Variants in TOR1AIP1 observed in about 807,000 individuals in gnomAD.
TOR1AIP1 encodes the protein torsin-1A-interacting protein 1.
Under a neutral mutation model 63.3 loss-of-function variants are expected in TOR1AIP1, and 54 were observed. The ratio of observed to expected loss-of-function variants is 0.85; its 90% CI spans 0.69 to 1.07. The LOEUF (loss-of-function observed/expected upper bound fraction) is 1.07, where lower values mean the gene tolerates loss of function less well. TOR1AIP1 is among the 50% of genes least tolerant of loss of function. The probability of loss-of-function intolerance (pLI) is 0.00; values close to 1 mark genes in which losing one functional copy is unlikely to be tolerated. For synonymous variants in TOR1AIP1, 294 were observed against 273.5 expected, an observed-to-expected ratio of 1.07 and a Z score of -0.74; for missense variants, 736 against 715.0, an observed-to-expected ratio of 1.03 and a Z score of -0.33.
At position 179,918,509 on chromosome 1, in the gene TOR1AIP1, G is replaced by C. The variant is rs1390317382; in HGVS notation, c.*270G>C. The C allele has an allele frequency of 2.9e-6, 1 of 345,052 alleles. No homozygotes were observed. Among genetic ancestry groups the C allele is most frequent in the Admixed American group, 4.5e-5 (1 of 22,354 alleles). 21.4% of individuals were successfully genotyped at this position (345,052 alleles called of 1,614,324 possible). On this transcript the variant is annotated 3_prime_UTR_variant, in exon 10 of 10. Transcript: ENST00000606911. ...CCTTAGAGAATCTGTTTTGATTCTG[G>C]GCTGAGTTATTACAGTTATGGTATG...
chr1:179,882,549 G>A lies in TOR1AIP1; in HGVS notation c.47G>A (p.Gly16Asp). The A allele has an allele frequency of 2.7e-6, 4 of 1,499,716 alleles. No individual in the cohort carries two copies. Among genetic ancestry groups the A allele is most frequent in the Non-Finnish European group, 3.5e-6 (4 of 1,128,146 alleles). 92.9% of individuals were successfully genotyped at this position (1,499,716 alleles called of 1,614,324 possible). Residue 16 changes from glycine to aspartate, a missense_variant, in exon 1 of 10, where the codon GGT (glycine) becomes GAT (aspartate). Transcript: ENST00000606911. ...RRAEAVREGWGVYVTPRAPIR... is the reference protein window; with the variant it reads ...RRAEAVREGWDVYVTPRAPIR... The stretch of plus-strand genomic sequence containing the variant: ...GCAGAGGCGGTGCGGGAAGGATGGG[G>A]TGTGTACGTCACCCCCAGGGCCCCC...
intron 3 of TOR1AIP1, among the ~76,000 whole-genome samples, chr1:179,895,689 C>T (rs1307055921): frequency 6.6e-6 from 1 of 152,162 alleles, no homozygotes; most frequent in African/African-American, 2.4e-5. Context: ...CACCTGAGAT[C>T]AGGAGTTCAA....
chr1:179,900,592 A>G (rs1648427238), intron 4 of TOR1AIP1: 1 of 152,458 alleles, frequency 6.6e-6, no homozygotes, highest in Admixed American at 6.5e-5. Flanking sequence ...AAAAGAAGTT[A>G]GAACAGAAAA....
rs146592819 is a variant in TOR1AIP1, at chr1:179,882,718, C to G, written c.216C>G (p.Pro72=). 6.2e-7 allele frequency: 1 copy of G among 1,613,696 alleles called. No homozygotes were observed. The change falls in exon 1 of 10, where the codon CCC becomes CCG. Residue 72 remains proline (P), a synonymous_variant. Transcript: ENST00000606911. ...EPPEVYGDFE[P]LVAKERSPVG... is the part of the protein sequence containing the mutation. ...CAGAAGTGTACGGCGACTTCGAGCC[C>G]CTGGTGGCCAAAGAAAGGTCCCCGG...
In TOR1AIP1 at chr1:179,882,849, C is replaced by T. The variant is rs533632977; in HGVS notation, c.347C>T (p.Pro116Leu). 6.8e-6 allele frequency: 11 copies of T among 1,614,198 alleles called. No homozygotes were observed. In the South Asian group the frequency reaches 1.1e-4, roughly 16 times the overall value. The change falls in exon 1 of 10, where the codon CCC becomes CTC. Residue 116 changes from proline to leucine, a missense_variant. Pro to Leu is a moderately conservative substitution (Grantham distance 98). Transcript: ENST00000606911. Reference protein sequence around the residue: ...LRSRQRRQPRPQETEEMKTRR... With the variant: ...LRSRQRRQPRLQETEEMKTRR... Reference sequence around the variant, plus strand: ...TCTAGGCAGCGGAGGCAGCCGCGACCCCAGGAAACCGAGGAAATGAAGACG... The same window carrying T: ...TCTAGGCAGCGGAGGCAGCCGCGACTCCAGGAAACCGAGGAAATGAAGACG...
In TOR1AIP1 at chr1:179,882,649, G is replaced by A. The variant is rs369159739; in HGVS notation, c.147G>A (p.Pro49=). 9 of 1,576,262 alleles carry A rather than the reference G, an allele frequency of 5.7e-6. No individual in the cohort carries two copies. The highest frequency in any genetic ancestry group is 7.7e-6 in the Non-Finnish European group (9 of 1,161,524). The change falls in exon 1 of 10, where the codon CCG becomes CCA. Residue 49 remains proline (P), a synonymous_variant. Transcript: ENST00000606911. The stretch of plus-strand genomic sequence containing the variant: ...ATGCGCCTGCGTACAGAACTCCTCC[G>A]TCGCGCCAGGGCCGGCGGGAAGTGA... ...SSDAPAYRTP[P]SRQGRREVRF...
intron 1 of TOR1AIP1, 120 bp downstream of exon 1, chr1:179,883,097 T>C: frequency 1.1e-6 from 1 of 914,950 alleles, no homozygotes; most frequent in Non-Finnish European, 1.7e-6. Context: ...CTAAAGGGTA[T>C]TCCTCAGCCC....
At chr1:179,900,243 T>C in intron 4 of TOR1AIP1, 76 bp downstream of exon 4, 1 of 1,070,652 alleles carries the variant, frequency 9.3e-7, no homozygotes, top group Non-Finnish European at 1.4e-6. Flanking sequence ...CTGATAGATA[T>C]TTAAGAAGTG....
chr1:179,917,524 C>A lies in TOR1AIP1; in HGVS notation c.1037C>A (p.Ala346Asp), dbSNP rs774213967. ...TGGTGGCTACTTCCTCTGATAGCTG[C>A]TCTTGCCTCTGGGAGTTTTTGGTTC... Reference protein sequence around the residue: ...NRWWLLPLIAALASGSFWFFS... With the variant: ...NRWWLLPLIADLASGSFWFFS... The change falls in exon 10 of 10, where the codon GCT becomes GAT. Residue 346 changes from alanine (A) to aspartate (D), a missense_variant. By Grantham distance (126) the Ala-to-Asp change is moderately radical. Around this residue, in one of 2 missense-constraint regions of TOR1AIP1, gnomAD observed 272 missense variants for 344.1 expected, o/e 0.79. Coordinates refer to ENST00000606911, the MANE Select transcript of TOR1AIP1 (RefSeq NM_015602.4). The A allele has an allele frequency of 6.2e-7, 1 of 1,614,060 alleles. No homozygotes were observed. Among genetic ancestry groups the A allele is most frequent in the Admixed American group, 1.7e-5 (1 of 60,020 alleles).
rs200170638 is a variant in TOR1AIP1 at position 179,906,039 on chromosome 1, C to CT, written c.797-1781dup. ...AGTTGATCAAGATATATTTCATTGACTTTAAGATACTATTGATTTTATGTA... is the reference window on the plus strand; with the variant it reads ...AGTTGATCAAGATATATTTCATTGACTTTTAAGATACTATTGATTTTATGTA... On this transcript the variant is annotated intron_variant, in intron 6 of 9. Coordinates refer to ENST00000606911, the MANE Select transcript of TOR1AIP1 (RefSeq NM_015602.4). Among the ~76,000 whole-genome samples the CT allele has an allele frequency of 5.3e-3, 806 of 152,208 alleles. 11 individuals carry two copies. Among genetic ancestry groups the CT allele is most frequent in the Admixed American group, 0.015 (226 of 15,284 alleles).
chr1:179,907,591 C>T (rs1312735927), intron 6 of TOR1AIP1, among the ~76,000 whole-genome samples: 1 of 133,724 alleles, frequency 7.5e-6, no homozygotes, highest in African/African-American at 2.8e-5. Context: ...TACACACACA[C>T]TTTATATATA....
At chr1:179,909,797 C>G (rs7551493) in intron 8 of TOR1AIP1, among the ~76,000 whole-genome samples, 4,979 of 152,078 alleles carry the variant, frequency 0.033, 129 homozygotes, top group Admixed American at 0.049. Flanking sequence ...AAGTCTCCCT[C>G]TGTCGCCCAG....
intron 3 of TOR1AIP1, among the ~76,000 whole-genome samples, chr1:179,898,598 G>A (rs1648355053): frequency 6.6e-6 from 1 of 152,114 alleles, no homozygotes; most frequent in Admixed American, 6.6e-5. Context: ...TGGAGCTCAT[G>A]CCTGTATTAC....
At chr1:179,914,170 T>G in intron 9 of TOR1AIP1, 116 bp downstream of exon 9, 1 of 916,364 alleles carries the variant, frequency 1.1e-6, no homozygotes, top group East Asian at 2.7e-5. Flanking sequence ...AATCACATTT[T>G]AAGCACTTGA....
intron 3 of TOR1AIP1, among the ~76,000 whole-genome samples, chr1:179,899,083 T>C (rs1293373070): frequency 6.6e-6 from 1 of 152,194 alleles, no homozygotes; most frequent in Non-Finnish European, 1.5e-5. Context: ...GCAGTTGCTT[T>C]CTATAATACT....
At chr1:179,896,415 T>G (rs1389045293) in intron 3 of TOR1AIP1, among the ~76,000 whole-genome samples, 1 of 151,912 alleles carries the variant, frequency 6.6e-6, no homozygotes, top group Non-Finnish European at 1.5e-5. Context: ...CAGCCAAACA[T>G]TTTTAAACAC....
chr1:179,898,833 G>T (rs1648362470), intron 3 of TOR1AIP1, among the ~76,000 whole-genome samples: 1 of 151,694 alleles, frequency 6.6e-6, no homozygotes, highest in Non-Finnish European at 1.5e-5. Context: ...GAGCAAAATA[G>T]TACTTAATAC....
intron 5 of TOR1AIP1, among the ~76,000 whole-genome samples, chr1:179,901,812 T>C (rs568795501): frequency 2.0e-5 from 3 of 152,194 alleles, no homozygotes; most frequent in Admixed American, 6.6e-5. Flanking sequence ...TCTGATTGTT[T>C]ATGTGAATTT....
intron 8 of TOR1AIP1, among the ~76,000 whole-genome samples, chr1:179,913,129 ATTT>A (rs745903061): frequency 1.4e-5 from 2 of 139,448 alleles, no homozygotes; most frequent in African/African-American, 2.6e-5. Flanking sequence ...CTTGTTTTTA[ATTT>A]TTTTTTTTTT....
Sources: gnomAD v4.1 joint callset for allele counts (sites outside exome capture counted in the v4.1 genomes callset) on GRCh38, gnomAD v4.1.1 for gene constraint, gnomAD v4.1.1 regional missense constraint, MANE v1.5 for transcripts, NCBI Gene and HGNC (gene_info 2026-07-23, HGNC 2026-07-21) for gene names.